The following LAMA5 variants were observed in gnomAD, a reference collection of about 807,000 sequenced individuals.
LAMA5 encodes the protein laminin subunit alpha-5.
LAMA5 carries 260 observed loss-of-function variants against 433.4 expected under a neutral mutation model. The observed-to-expected ratio is 0.60, with a 90% CI of 0.54 to 0.66. LAMA5 has a LOEUF of 0.66. Among genes scored for constraint, LAMA5 ranks in the 30% least tolerant of loss-of-function variants. The probability of loss-of-function intolerance (pLI) is 0.00; values close to 1 mark genes in which losing one functional copy is unlikely to be tolerated. For synonymous variants in LAMA5, 2,620 were observed against 2,226.6 expected, an observed-to-expected ratio of 1.18 and a Z score of -4.97; for missense variants, 5,378 against 5,258.5, an observed-to-expected ratio of 1.02 and a Z score of -0.70.
Position 62,325,298 on chromosome 20 carries a change from G to A in LAMA5, c.5529+18C>T. The stretch of plus-strand genomic sequence containing the variant: ...CACAGGTGAGCCGCCTCGCAGTCTG[G>A]TGCTGTCCTAACCTCACCTGGCATG... On this transcript the variant is annotated intron_variant, in intron 41 of 79. Transcript: ENST00000252999. 3 of 1,530,622 alleles carry A rather than the reference G, an allele frequency of 2.0e-6. No homozygotes were observed. Among genetic ancestry groups the A allele is most frequent in the South Asian group, 2.5e-5 (2 of 81,480 alleles). The allele number at this position is 1,530,622 out of a possible 1,614,324, so 94.8% of individuals were successfully genotyped here. A position where few individuals can be genotyped will look rare whatever the true frequency, so the allele number is the denominator to read the frequency against.
In LAMA5 at chr20:62,312,869, GT is replaced by G. The variant is rs1986469047; in HGVS notation, c.9078+18del. On this transcript the variant is annotated intron_variant, in intron 66 of 79. Coordinates refer to ENST00000252999, the MANE Select transcript of LAMA5 (RefSeq NM_005560.6). ...TCCATCTCCTCTCCCTGCCACCCTG[GT>G]CCCCACCCTGGCCCTACCGCCTTGC... is the stretch of plus-strand genomic sequence containing the variant. 8.1e-6 allele frequency: 13 copies of G among 1,598,890 alleles called. No individual in the cohort carries two copies. Among genetic ancestry groups the G allele is most frequent in the Non-Finnish European group, 1.0e-5 (12 of 1,172,642 alleles).
chr20:62,337,384 G>T (rs547670137), intron 16 of LAMA5, among the ~76,000 whole-genome samples: 3 of 152,246 alleles, frequency 2.0e-5, no homozygotes, highest in Non-Finnish European at 4.4e-5. Flanking sequence ...CGACAGGCGC[G>T]GATGCACAGC....
intron 67 of LAMA5, 28 bp from the exon 68 acceptor site, chr20:62,312,560 G>T: frequency 6.3e-7 from 1 of 1,599,132 alleles, no homozygotes; most frequent in Non-Finnish European, 8.5e-7. Context: ...TGCGGGTCAG[G>T]GCGCCACCTC....
intron 1 of LAMA5, among the ~76,000 whole-genome samples, chr20:62,364,781 C>G (rs560978382): frequency 6.6e-6 from 1 of 152,366 alleles, no homozygotes; most frequent in East Asian, 1.9e-4. Flanking sequence ...CGACCCCCAT[C>G]TGGGATGCCC....
At chr20:62,316,305 G>C (rs1986924619) in intron 57 of LAMA5, 1 of 569,350 alleles carries the variant, frequency 1.8e-6, no homozygotes, top group Non-Finnish European at 3.1e-6. Context: ...AAACAATAGA[G>C]GCTCAGAAGA....
In LAMA5 at chr20:62,362,792, T is replaced by C. The variant is rs546983976; in HGVS notation, c.298-240A>G. ...GCTAAGGACAAGAGGAAGACCAGGG[T>C]GGAGAGGGGCATCTGCCTTGGGTGG... On this transcript the variant is annotated intron_variant, in intron 1 of 79. Transcript: ENST00000252999. Among the ~76,000 whole-genome samples the C allele has an allele frequency of 9.6e-5, 14 of 145,290 alleles. 1 individual carries two copies. The South Asian group carries it at 2.5e-3, about 26-fold the overall frequency.
Position 62,335,198 on chromosome 20 carries a change from C to G in LAMA5, c.2376+19G>C, listed in dbSNP as rs369591754. 1 of 1,612,668 alleles carries G rather than the reference C, an allele frequency of 6.2e-7. No individual in the cohort carries two copies. Among genetic ancestry groups the G allele is most frequent in the East Asian group, 2.2e-5 (1 of 44,876 alleles). ...CCAGTGTGCCCCCAAATCCCCCACA[C>G]CTTGGTCCTCAGACTCACCGGCTGG... On this transcript the variant is annotated intron_variant, in intron 19 of 79. Coordinates refer to ENST00000252999, the MANE Select transcript of LAMA5 (RefSeq NM_005560.6).
intron 16 of LAMA5, among the ~76,000 whole-genome samples, 161 bp downstream of exon 16, chr20:62,337,429 C>T (rs1369229412): frequency 3.3e-5 from 5 of 152,254 alleles, no homozygotes; most frequent in East Asian, 1.9e-4. Flanking sequence ...CACCCCTGCA[C>T]GGCATGTGAA....
intron 17 of LAMA5, 109 bp downstream of exon 17, chr20:62,336,625 C>G: frequency 7.3e-7 from 1 of 1,373,474 alleles, no homozygotes; most frequent in Non-Finnish European, 1.0e-6. Flanking sequence ...CCTGGGGTTG[C>G]CATGGCAACT....
At chr20:62,353,089 A>AC (rs761487021) in intron 3 of LAMA5, 45 bp downstream of exon 3, 19 of 1,395,028 alleles carry the variant, frequency 1.4e-5, no homozygotes, top group African/African-American at 7.2e-5. Context: ...CTGCCCAGGG[A>AC]CCCCCCTGCC....
At position 62,328,246 on chromosome 20, in the gene LAMA5, C is replaced by T. The variant is rs761550641; in HGVS notation, c.4647G>A (p.Gln1549=). 1.2e-5 allele frequency: 19 copies of T among 1,603,756 alleles called. No homozygotes were observed. The South Asian group carries it at 2.0e-4, about 17-fold the overall frequency. Residue 1549 remains glutamine, a synonymous_variant, in exon 35 of 80, where the codon CAG becomes CAA. Transcript: ENST00000252999. ...ACGCCGCTCTGGGCTCTCACTTGCA[C>T]TGGCCGCTGTCTGTGTCACAGGTAG... The part of the protein sequence containing the change: ...TDPTCDTDSG[Q]CKCRPNVTGR...
intron 41 of LAMA5, 24 bp downstream of exon 41, chr20:62,325,292 A>C: frequency 1.3e-6 from 2 of 1,493,088 alleles, no homozygotes; most frequent in Non-Finnish European, 1.8e-6. Flanking sequence ...GCCGCCTCGC[A>C]GTCTGGTGCT....
chr20:62,364,799 G>C (rs888460515), intron 1 of LAMA5, among the ~76,000 whole-genome samples: 1 of 152,250 alleles, frequency 6.6e-6, no homozygotes, highest in Non-Finnish European at 1.5e-5. Flanking sequence ...CCCAGCTAAT[G>C]TGCATCTCCT....
chr20:62,363,559 G>C (rs562302651), intron 1 of LAMA5, among the ~76,000 whole-genome samples: 33 of 152,184 alleles, frequency 2.2e-4, no homozygotes, highest in African/African-American at 7.0e-4. Context: ...GATGAGGAGA[G>C]GGGGCAGAGC....
At chr20:62,344,175 AAATACAATCT>A (rs1219260699) in intron 11 of LAMA5, among the ~76,000 whole-genome samples, 1 of 151,602 alleles carries the variant, frequency 6.6e-6, no homozygotes, top group Non-Finnish European at 1.5e-5. Context: ...ACGTCATATC[AAATACAATCT>A]AAGTCTAAGA....
rs761093629 is a variant in LAMA5 at position 62,346,610 on chromosome 20, G to A, written c.1192-14C>T. The stretch of plus-strand genomic sequence containing the variant: ...GGTGGTGTGGTGCTGGGAGTGCAAT[G>A]GCCGTTGAGTCTGGGGAGGTCCCTG... On this transcript the variant is annotated splice_polypyrimidine_tract_variant and intron_variant, in intron 8 of 79. Coordinates refer to ENST00000252999, the MANE Select transcript of LAMA5 (RefSeq NM_005560.6). The A allele has an allele frequency of 3.7e-6, 6 of 1,609,658 alleles. No individual in the cohort carries two copies. Among genetic ancestry groups the A allele is most frequent in the East Asian group, 4.5e-5 (2 of 44,748 alleles).
In LAMA5 at chr20:62,332,592, C is replaced by T. The variant is rs554155473; in HGVS notation, c.3408G>A (p.Gln1136=). Reference sequence around the variant, plus strand: ...AGGGGTGCAGGGAGAGCAGCCCCTGCTGGGGGGCCCGCTGTGGGGTGTGCA... The same window carrying T: ...AGGGGTGCAGGGAGAGCAGCCCCTGTTGGGGGGCCCGCTGTGGGGTGTGCA... ...VAVHTPQRAP[Q]QGLLSLHPCL... The change falls in exon 27 of 80, where the codon CAG becomes CAA. Residue 1136 remains glutamine, a synonymous_variant. Coordinates refer to ENST00000252999, the MANE Select transcript of LAMA5 (RefSeq NM_005560.6). 1.1e-5 allele frequency: 18 copies of T among 1,594,656 alleles called. No homozygotes were observed. The African/African-American group carries it at 2.4e-4, about 21-fold the overall frequency.
At chr20:62,332,924 C>CAGGCAGG (rs1455506774) in intron 26 of LAMA5, among the ~76,000 whole-genome samples, 166 bp downstream of exon 26, 1 of 12,460 alleles carries the variant, frequency 8.0e-5, no homozygotes, top group East Asian at 3.4e-3. Context: ...TGAGGTCACA[C>CAGGCAGG]ATGCAGGAGG....
At chr20:62,351,657 T>C in intron 6 of LAMA5, 47 bp downstream of exon 6, 1 of 1,565,082 alleles carries the variant, frequency 6.4e-7, no homozygotes, top group Non-Finnish European at 8.7e-7. Flanking sequence ...GGCAGGGAGC[T>C]GGGGGGGGCC....
Sources: allele counts gnomAD v4.1 joint callset (sites outside exome capture counted in the v4.1 genomes callset), GRCh38; gene constraint gnomAD v4.1.1; transcripts MANE v1.5; gene names NCBI Gene and HGNC (gene_info 2026-07-23, HGNC 2026-07-21).